Variants in PXDNL observed in about 807,000 individuals in gnomAD.
PXDNL encodes peroxidasin like.
Under a neutral mutation model 150.8 loss-of-function variants are expected in PXDNL, and 145 were observed. The observed-to-expected ratio is 0.96, with a 90% confidence interval of 0.84 to 1.10. The LOEUF (loss-of-function observed/expected upper bound fraction) is 1.10. Among genes scored for constraint, PXDNL ranks in the 50% least tolerant of loss-of-function variants. The pLI is 0.00. For synonymous variants in PXDNL, 757 were observed against 725.7 expected (o/e 1.04, Z -0.69); for missense variants, 2,087 against 1,873.9 (o/e 1.11, Z -2.10).
At chr8:51,447,236 T>A in intron 11 of PXDNL, 74 bp from the exon 12 acceptor site, 1 of 1,512,482 alleles carries the variant, frequency 6.6e-7, no homozygotes, top group Non-Finnish European at 9.0e-7. Flanking sequence ...CTGTCCTGGC[T>A]AAAGGGTGAG....
intron 19 of PXDNL, among the ~76,000 whole-genome samples, chr8:51,354,836 G>A (rs1425260556): frequency 1.3e-5 from 2 of 151,946 alleles, no homozygotes; most frequent in Non-Finnish European, 2.9e-5. Context: ...TTATGAGAGG[G>A]TTATTTTCAA....
At chr8:51,550,325 A>C (rs2130517752) in intron 4 of PXDNL, among the ~76,000 whole-genome samples, 1 of 152,290 alleles carries the variant, frequency 6.6e-6, no homozygotes, top group East Asian at 1.9e-4. Context: ...AATCCTCCGT[A>C]AATCAGTCTA....
rs557416962 is a variant in PXDNL, at chr8:51,600,427, A to G, written c.237-7729T>C. ...TTATATAAATTATATCGTTTAGATA[A>G]TAAATTATATCTTATATAAATTATA... On this transcript the variant is annotated intron_variant, in intron 2 of 22. Coordinates refer to ENST00000356297, the MANE Select transcript of PXDNL (RefSeq NM_144651.5). 1.1e-3 allele frequency among the ~76,000 whole-genome samples: 145 copies of G among 136,628 alleles called. 5 individuals carry two copies. The highest frequency in any genetic ancestry group is 0.011 in the Middle Eastern group (1 of 90). 89.6% of individuals were successfully genotyped at this position (136,628 alleles called of 152,430 possible).
intron 1 of PXDNL, among the ~76,000 whole-genome samples, chr8:51,668,365 G>T (rs1815433023): frequency 6.6e-6 from 1 of 151,698 alleles, no homozygotes; most frequent in Non-Finnish European, 1.5e-5. Flanking sequence ...AGTAGAGATG[G>T]TGTTTCACCA....
intron 1 of PXDNL, among the ~76,000 whole-genome samples, chr8:51,771,942 C>T (rs549904489): frequency 2.7e-5 from 4 of 146,502 alleles, no homozygotes; most frequent in South Asian, 2.1e-4. Context: ...TGACACAACA[C>T]GATTCCCCAG....
chr8:51,356,792 CA>C (rs1452626597), intron 19 of PXDNL, among the ~76,000 whole-genome samples: 1 of 152,130 alleles, frequency 6.6e-6, no homozygotes, highest in Non-Finnish European at 1.5e-5. Flanking sequence ...TCCAATCAAA[CA>C]ACATTTTGAA....
At chr8:51,631,387 A>C (rs1186114555) in intron 2 of PXDNL, among the ~76,000 whole-genome samples, 1 of 152,136 alleles carries the variant, frequency 6.6e-6, no homozygotes, top group Non-Finnish European at 1.5e-5. Flanking sequence ...CATGACATGC[A>C]ATTTACCTGT....
chr8:51,652,537 G>A (rs1815064392), intron 2 of PXDNL, among the ~76,000 whole-genome samples: 2 of 151,696 alleles, frequency 1.3e-5, no homozygotes, highest in African/African-American at 4.8e-5. Flanking sequence ...TGTATTCCAG[G>A]GAAGTACTTT....
In PXDNL at chr8:51,416,861, G is replaced by A. The variant is rs549661084; in HGVS notation, c.1796-3603C>T. 9.9e-5 allele frequency among the ~76,000 whole-genome samples: 15 copies of A among 152,232 alleles called. No individual in the cohort carries two copies. The South Asian group carries it at 1.7e-3, about 17-fold the overall frequency. On this transcript the variant is annotated intron_variant, in intron 14 of 22. Transcript: ENST00000356297. ...AGATTCTTAAAAGCACATTAAATAC[G>A]TGATATAGTCAAACAAAAACATTCT... is the stretch of plus-strand genomic sequence containing the variant.
At chr8:51,498,597 T>G (rs935055726) in intron 5 of PXDNL, among the ~76,000 whole-genome samples, 2 of 152,170 alleles carry the variant, frequency 1.3e-5, no homozygotes, top group African/African-American at 4.8e-5. Flanking sequence ...ACAACATTCA[T>G]CTGGAAAAGT....
At chr8:51,407,558 G>A (rs567582663) in intron 17 of PXDNL, among the ~76,000 whole-genome samples, 1 of 152,236 alleles carries the variant, frequency 6.6e-6, no homozygotes, top group African/African-American at 2.4e-5. Context: ...TGTAGAAAAA[G>A]TTAACAGTAA....
intron 1 of PXDNL, among the ~76,000 whole-genome samples, chr8:51,774,303 G>C (rs1348073501): frequency 6.6e-6 from 1 of 152,196 alleles, no homozygotes; most frequent in African/African-American, 2.4e-5. Context: ...TAAAAGGAAT[G>C]TAACTTCCAA....
chr8:51,644,679 G>A (rs907401760), intron 2 of PXDNL, among the ~76,000 whole-genome samples: 2 of 151,380 alleles, frequency 1.3e-5, no homozygotes, highest in Non-Finnish European at 2.9e-5. Context: ...GGATGGTCTC[G>A]ATCTCCTGAC....
At chr8:51,740,076 T>A (rs1037897970) in intron 1 of PXDNL, among the ~76,000 whole-genome samples, 1 of 152,222 alleles carries the variant, frequency 6.6e-6, no homozygotes, top group Non-Finnish European at 1.5e-5. Flanking sequence ...AGACATATAA[T>A]GTTTGTGGAT....
rs1444131465 is a variant in PXDNL at position 51,644,355 on chromosome 8, C to T, written c.236+10334G>A. Among the ~76,000 whole-genome samples the T allele has an allele frequency of 1.5e-3, 76 of 50,462 alleles. 1 individual carries two copies. The highest frequency in any genetic ancestry group is 2.8e-3 in the Non-Finnish European group (46 of 16,384). The allele number at this position is 50,462 out of a possible 152,430, so 33.1% of individuals were successfully genotyped here. On this transcript the variant is annotated intron_variant, in intron 2 of 22. Coordinates refer to ENST00000356297, the MANE Select transcript of PXDNL (RefSeq NM_144651.5). Reference sequence around the variant, plus strand: ...ATATATATACACACACACACACACACACACACACATATGTATATATATACA... The same window carrying T: ...ATATATATACACACACACACACACATACACACACATATGTATATATATACA...
intron 1 of PXDNL, among the ~76,000 whole-genome samples, chr8:51,784,773 T>C (rs2037445692): frequency 1.3e-5 from 2 of 152,186 alleles, no homozygotes; most frequent in Non-Finnish European, 2.9e-5. Context: ...CCCTTTACAA[T>C]GTTGCTATAA....
chr8:51,394,857 A>T (rs1385114378), intron 17 of PXDNL, among the ~76,000 whole-genome samples: 2 of 152,154 alleles, frequency 1.3e-5, no homozygotes, highest in Admixed American at 1.3e-4. Context: ...AGGATCCAAC[A>T]AAGGCACTTG....
chr8:51,745,421 T>C (rs2036972048), intron 1 of PXDNL, among the ~76,000 whole-genome samples: 1 of 152,204 alleles, frequency 6.6e-6, no homozygotes, highest in African/African-American at 2.4e-5. Context: ...CTACCTTGCT[T>C]CCACTTAAAA....
At chr8:51,606,761 TA>T (rs146964600) in intron 2 of PXDNL, among the ~76,000 whole-genome samples, 1 of 151,682 alleles carries the variant, frequency 6.6e-6, no homozygotes, top group African/African-American at 2.4e-5. Context: ...ATAACCAATA[TA>T]AAAATTATAA....
Sources: gnomAD v4.1 joint callset for allele counts (sites outside exome capture counted in the v4.1 genomes callset) on GRCh38, gnomAD v4.1.1 for gene constraint, MANE v1.5 for transcripts, NCBI Gene and HGNC (gene_info 2026-07-23, HGNC 2026-07-21) for gene names.